The following GRIK3 variants were observed in gnomAD, a reference collection of about 807,000 sequenced individuals.
The protein encoded by GRIK3 is glutamate ionotropic receptor kainate type subunit 3.
Under a neutral mutation model 102.5 loss-of-function variants are expected in GRIK3, and 29 were observed. The ratio of observed to expected loss-of-function variants is 0.28; its 90% confidence interval spans 0.21 to 0.39. GRIK3 has a LOEUF of 0.39. GRIK3 is among the 10% of genes least tolerant of loss of function. The pLI is 1.00. For missense variants in GRIK3, 908 were observed against 1,252.4 expected, an observed-to-expected ratio of 0.73 and a Z score of 4.15; for synonymous variants, 511 against 504.9, an observed-to-expected ratio of 1.01 and a Z score of -0.16.
At chr1:36,937,840 C>G (rs1319224561) in intron 1 of GRIK3, among the ~76,000 whole-genome samples, 2 of 152,220 alleles carry the variant, frequency 1.3e-5, no homozygotes, top group Non-Finnish European at 2.9e-5. Context: ...GGAAACTACC[C>G]TTATGTAGTC....
At chr1:36,840,518 G>A (rs2124214807) in intron 10 of GRIK3, among the ~76,000 whole-genome samples, 1 of 132,830 alleles carries the variant, frequency 7.5e-6, no homozygotes, top group Middle Eastern at 5.7e-3. Flanking sequence ...TTTGAGAACA[G>A]TCTGGACAAC....
intron 1 of GRIK3, among the ~76,000 whole-genome samples, chr1:37,011,794 T>A (rs908879747): frequency 6.6e-6 from 1 of 152,154 alleles, no homozygotes; most frequent in Admixed American, 6.5e-5. Context: ...CTGTTATGAC[T>A]CCTAGCTCTT....
At chr1:36,953,376 G>A (rs777512944) in intron 1 of GRIK3, among the ~76,000 whole-genome samples, 17 of 152,160 alleles carry the variant, frequency 1.1e-4, no homozygotes, top group Non-Finnish European at 2.1e-4. Context: ...GAGACCTGCA[G>A]GATAAAGGAG....
chr1:36,947,360 C>T (rs1641795357), intron 1 of GRIK3, among the ~76,000 whole-genome samples: 1 of 152,174 alleles, frequency 6.6e-6, no homozygotes, highest in African/African-American at 2.4e-5. Flanking sequence ...CCACTGCCAC[C>T]CCTCCACGCT....
intron 1 of GRIK3, among the ~76,000 whole-genome samples, chr1:36,983,608 A>C (rs1251546300): frequency 6.6e-6 from 1 of 152,108 alleles, no homozygotes; most frequent in Non-Finnish European, 1.5e-5. Flanking sequence ...CACGCAGCCA[A>C]TAAGCAGCAG....
At chr1:37,028,824 T>C (rs1642790702) in intron 1 of GRIK3, among the ~76,000 whole-genome samples, 1 of 152,210 alleles carries the variant, frequency 6.6e-6, no homozygotes, top group Non-Finnish European at 1.5e-5. Flanking sequence ...TTCCCTCACC[T>C]GTAAAATGGG....
chr1:36,974,443 C>T (rs1298503063), intron 1 of GRIK3, among the ~76,000 whole-genome samples: 1 of 152,100 alleles, frequency 6.6e-6, no homozygotes, highest in Non-Finnish European at 1.5e-5. Flanking sequence ...ACCCAAATGT[C>T]CATCCTTGAT....
intron 1 of GRIK3, among the ~76,000 whole-genome samples, chr1:37,025,699 T>G (rs974548983): frequency 6.6e-6 from 1 of 152,252 alleles, no homozygotes; most frequent in Non-Finnish European, 1.5e-5. Flanking sequence ...GCAGTTGTTC[T>G]GAGAACTCTA....
chr1:36,871,859 G>A (rs994525422), intron 4 of GRIK3, among the ~76,000 whole-genome samples: 4 of 152,206 alleles, frequency 2.6e-5, no homozygotes, highest in African/African-American at 9.6e-5. Context: ...CTGTGTGGCT[G>A]TGGGTACCTC....
chr1:36,937,413 A>T (rs481047), intron 1 of GRIK3, among the ~76,000 whole-genome samples: 1 of 152,116 alleles, frequency 6.6e-6, no homozygotes, highest in Non-Finnish European at 1.5e-5. Flanking sequence ...TCAGTTCTGC[A>T]GTCTAAAATT....
chr1:36,862,682 G>A (rs1640740661), intron 5 of GRIK3, among the ~76,000 whole-genome samples: 1 of 152,184 alleles, frequency 6.6e-6, no homozygotes, highest in East Asian at 1.9e-4. Flanking sequence ...TCCCTGAGGT[G>A]GCCAGACATG....
intron 1 of GRIK3, among the ~76,000 whole-genome samples, chr1:36,928,830 G>A (rs1349621531): frequency 1.3e-5 from 2 of 152,250 alleles, no homozygotes; most frequent in Non-Finnish European, 2.9e-5. Context: ...ATGGAGGTAA[G>A]ATCAGGATGT....
chr1:36,965,117 C>A (rs1407874396), intron 1 of GRIK3, among the ~76,000 whole-genome samples: 1 of 152,184 alleles, frequency 6.6e-6, no homozygotes, highest in African/African-American at 2.4e-5. Flanking sequence ...GCTGTCCTCA[C>A]TCAGAGTATG....
rs1049219683 is a variant in GRIK3 at position 36,808,227 on chromosome 1, C to T, written c.2092-1901G>A. ...TCCCACCTCCAACCTCTTTTACTCC[C>T]TCTGTTCCTTTCTTACTCTGCTACG... On this transcript the variant is annotated intron_variant, in intron 13 of 15. Transcript: ENST00000373091. Among the ~76,000 whole-genome samples, 10 of 152,306 alleles carry T rather than the reference C, an allele frequency of 6.6e-5. No homozygotes were observed. The East Asian group carries it at 1.7e-3, about 26-fold the overall frequency.
At chr1:36,950,988 T>A (rs963632059) in intron 1 of GRIK3, among the ~76,000 whole-genome samples, 1 of 152,180 alleles carries the variant, frequency 6.6e-6, no homozygotes, top group Non-Finnish European at 1.5e-5. Flanking sequence ...TTTTTCTAAA[T>A]GTTAGCAGAG....
chr1:37,023,917 C>T (rs1387421199), intron 1 of GRIK3, among the ~76,000 whole-genome samples: 1 of 152,204 alleles, frequency 6.6e-6, no homozygotes, highest in East Asian at 1.9e-4. Flanking sequence ...GAATAACTGC[C>T]TGAAGGTTCA....
At chr1:36,911,007 A>T (rs1181311097) in intron 1 of GRIK3, among the ~76,000 whole-genome samples, 1 of 152,096 alleles carries the variant, frequency 6.6e-6, no homozygotes, top group Non-Finnish European at 1.5e-5. Flanking sequence ...TTCATGGGGG[A>T]GGCAGCACCT....
intron 1 of GRIK3, among the ~76,000 whole-genome samples, chr1:37,017,366 T>A: frequency 9.9e-6 from 1 of 100,748 alleles, no homozygotes; most frequent in South Asian, 3.5e-4. Context: ...AGACCCTGTC[T>A]CTTAAAAAAA....
chr1:36,864,608 C>T (rs1640762469), intron 5 of GRIK3, among the ~76,000 whole-genome samples: 1 of 152,192 alleles, frequency 6.6e-6, no homozygotes, highest in South Asian at 2.1e-4. Flanking sequence ...CCCTTCTGGT[C>T]TCCAGAGGCA....
Sources: gnomAD v4.1 joint callset for allele counts (sites outside exome capture counted in the v4.1 genomes callset) on GRCh38, gnomAD v4.1.1 for gene constraint, MANE v1.5 for transcripts, NCBI Gene and HGNC (gene_info 2026-07-23, HGNC 2026-07-21) for gene names.